LOC128706665: variants seen among roughly 807,000 people sequenced by gnomAD.
chr20:10,427,064 AC>A, the LOC128706665 span, among the ~76,000 whole-genome samples: 1 of 146,132 alleles, frequency 6.8e-6, no homozygotes, highest in Non-Finnish European at 1.5e-5. Flanking sequence ...ACACACACAC[AC>A]ACACACACAC....
At chr20:10,426,727 G>A in the LOC128706665 span, among the ~76,000 whole-genome samples, 1 of 152,146 alleles carries the variant, frequency 6.6e-6, no homozygotes, top group Non-Finnish European at 1.5e-5. Flanking sequence ...TTCATGTCAG[G>A]TATATAAAAG....
chr20:10,414,692 A>G, the LOC128706665 span, among the ~76,000 whole-genome samples: 1 of 152,306 alleles, frequency 6.6e-6, no homozygotes, highest in East Asian at 1.9e-4. Context: ...CATTTATATC[A>G]AGTCATGTTT....
the LOC128706665 span, among the ~76,000 whole-genome samples, chr20:10,427,617 G>A: frequency 7.2e-5 from 11 of 152,204 alleles, no homozygotes; most frequent in African/African-American, 2.4e-4. Context: ...TTTGAATTGT[G>A]GCATTTTTTC....
At chr20:10,432,709 T>C in the LOC128706665 span, among the ~76,000 whole-genome samples, 5 of 148,074 alleles carry the variant, frequency 3.4e-5, no homozygotes, top group African/African-American at 5.0e-5. Flanking sequence ...GCAGGGAGAA[T>C]TGCTTGAACC....
chr20:10,422,284 T>C, the LOC128706665 span, among the ~76,000 whole-genome samples: 897 of 152,312 alleles, frequency 5.9e-3, 5 homozygotes, highest in Non-Finnish European at 9.0e-3. Context: ...AAGTATTTTA[T>C]GGCCTTTTCC....
chr20:10,429,414 T>C, the LOC128706665 span, among the ~76,000 whole-genome samples: 1 of 152,234 alleles, frequency 6.6e-6, no homozygotes, highest in African/African-American at 2.4e-5. Flanking sequence ...CCCAAACTTC[T>C]ATGATCATGC....
the LOC128706665 span, among the ~76,000 whole-genome samples, chr20:10,425,482 A>G: frequency 6.6e-6 from 1 of 152,256 alleles, no homozygotes; most frequent in Non-Finnish European, 1.5e-5. Flanking sequence ...ACTTGACAAG[A>G]AAGTTTTTAA....
the LOC128706665 span, among the ~76,000 whole-genome samples, chr20:10,421,182 C>A: frequency 6.6e-6 from 1 of 152,096 alleles, no homozygotes. Flanking sequence ...GTATTCCCAG[C>A]ACTTTGGGAG....
the LOC128706665 span, among the ~76,000 whole-genome samples, chr20:10,425,519 A>C: frequency 6.6e-6 from 1 of 152,246 alleles, no homozygotes; most frequent in African/African-American, 2.4e-5. Flanking sequence ...AAGGTTCATG[A>C]TACTGAGAAG....
chr20:10,417,978 G>A, the LOC128706665 span, among the ~76,000 whole-genome samples: 1 of 152,126 alleles, frequency 6.6e-6, no homozygotes, highest in Admixed American at 6.5e-5. Context: ...AATGCAATAC[G>A]TAGACCTTGT....
chr20:10,433,109 T>G, the LOC128706665 span, among the ~76,000 whole-genome samples: 1 of 152,250 alleles, frequency 6.6e-6, no homozygotes, highest in Non-Finnish European at 1.5e-5. Flanking sequence ...GCTCAAGCGA[T>G]TCTCCTGCCT....
At chr20:10,418,507 G>A in the LOC128706665 span, among the ~76,000 whole-genome samples, 3 of 151,956 alleles carry the variant, frequency 2.0e-5, no homozygotes, top group Admixed American at 6.6e-5. Context: ...CTCTAAATCC[G>A]GCTCTAACTT....
chr20:10,425,122 C>A, the LOC128706665 span, among the ~76,000 whole-genome samples: 1 of 150,422 alleles, frequency 6.6e-6, no homozygotes, highest in Admixed American at 6.6e-5. Flanking sequence ...TATAGTATAA[C>A]CTTACTTTTT....
chr20:10,421,894 T>A, the LOC128706665 span, among the ~76,000 whole-genome samples: 5 of 152,174 alleles, frequency 3.3e-5, no homozygotes, highest in Admixed American at 2.0e-4. Flanking sequence ...AAAGACTCCT[T>A]ATACTCTTAA....
the LOC128706665 span, chr20:10,413,941 A>T: frequency 2.5e-6 from 1 of 405,692 alleles, no homozygotes; most frequent in Non-Finnish European, 4.3e-6. Context: ...CCTAATAAAT[A>T]ATAAAAAAAA....
chr20:10,433,892 T>G, the LOC128706665 span, among the ~76,000 whole-genome samples: 1 of 152,294 alleles, frequency 6.6e-6, no homozygotes, highest in African/African-American at 2.4e-5. Flanking sequence ...CCCGCATCCG[T>G]GCCGACCGCA....
chr20:10,414,742 A>G, the LOC128706665 span, among the ~76,000 whole-genome samples: 1 of 152,184 alleles, frequency 6.6e-6, no homozygotes, highest in Non-Finnish European at 1.5e-5. Context: ...TGGCATGTCT[A>G]CTGCAGGAAC....
the LOC128706665 span, among the ~76,000 whole-genome samples, chr20:10,427,295 GCTGGC>G: frequency 6.6e-6 from 1 of 152,152 alleles, no homozygotes; most frequent in African/African-American, 2.4e-5. Context: ...GGCGCCATCT[GCTGGC>G]CTTTTGGACA....
chr20:10,423,288 G>A, the LOC128706665 span, among the ~76,000 whole-genome samples: 1 of 152,086 alleles, frequency 6.6e-6, no homozygotes, highest in Non-Finnish European at 1.5e-5. Context: ...GCATGGTGGC[G>A]CACGCCTGTA....
Sources: gnomAD v4.1 joint callset for allele counts (sites outside exome capture counted in the v4.1 genomes callset) on GRCh38, gnomAD v4.1.1 for gene constraint, MANE v1.5 for transcripts.